PPP2CA: variants seen among roughly 807,000 people sequenced by gnomAD.
The protein encoded by PPP2CA is serine/threonine-protein phosphatase 2A catalytic subunit alpha isoform.
A neutral mutation model predicts 38.8 loss-of-function variants in PPP2CA; 5 were observed. The ratio of observed to expected loss-of-function variants is 0.13; its 90% CI spans 0.07 to 0.27. The LOEUF (loss-of-function observed/expected upper bound fraction) is 0.27, where lower values mean the gene tolerates loss of function less well. Ranked by LOEUF, PPP2CA falls within the 10% of genes least tolerant of loss-of-function variation. The pLI, the probability that PPP2CA is intolerant of heterozygous loss-of-function variation, is 1.00. For synonymous variants in PPP2CA, 152 were observed against 134.0 expected, an observed-to-expected ratio of 1.13 and a Z score of -0.93; for missense variants, 88 against 389.7, an observed-to-expected ratio of 0.23 and a Z score of 6.52.
At chr5:134,201,113 A>G in intron 3 of PPP2CA, 39 bp from the exon 4 acceptor site, 1 of 1,500,144 alleles carries the variant, frequency 6.7e-7, no homozygotes, top group South Asian at 1.1e-5. Flanking sequence ...TCACCTAAAA[A>G]ATTTGTAAAC....
At chr5:134,224,355 G>A (rs913104652) in intron 1 of PPP2CA, 2 of 449,628 alleles carry the variant, frequency 4.4e-6, no homozygotes, top group African/African-American at 4.0e-5. Context: ...TCCACTAGTA[G>A]TAGTTTTGTT....
At chr5:134,221,946 C>CA (rs1041488089) in intron 1 of PPP2CA, among the ~76,000 whole-genome samples, 23 of 112,674 alleles carry the variant, frequency 2.0e-4, no homozygotes, top group African/African-American at 7.7e-4. Context: ...CCAGACTGGG[C>CA]AAAAGAGTAA....
At chr5:134,208,982 C>T (rs1387075737) in intron 1 of PPP2CA, among the ~76,000 whole-genome samples, 6 of 152,022 alleles carry the variant, frequency 3.9e-5, no homozygotes, top group Non-Finnish European at 7.4e-5. Flanking sequence ...TATATATCCT[C>T]GTATTTTCTC....
chr5:134,210,986 G>A (rs11742356), intron 1 of PPP2CA, among the ~76,000 whole-genome samples: 1 of 152,172 alleles, frequency 6.6e-6, no homozygotes, highest in Non-Finnish European at 1.5e-5. Context: ...GATTCTCTTA[G>A]TAAGACCTTA....
In PPP2CA at chr5:134,205,927, G is replaced by A. The variant is rs929459974; in HGVS notation, c.307C>T (p.Leu103Phe). ...CAACATAAAATTGAAATTACCTTAA[G>A]AGCTACAAGCAGTGTAACTGTTTCA... The part of the protein sequence containing the change: ...SVETVTLLVA[L>F]KVRYRERITI... Residue 103 changes from leucine (L) to phenylalanine (F), a missense_variant, in exon 2 of 7, where the codon CTT (leucine) becomes TTT (phenylalanine). Leu to Phe is a conservative substitution (Grantham distance 22, BLOSUM62 0). This residue lies in a region of PPP2CA where 12 missense variants were observed against 20.6 expected (regional missense o/e 0.58). Coordinates refer to ENST00000481195, the MANE Select transcript of PPP2CA (RefSeq NM_002715.4). 4.3e-6 allele frequency: 7 copies of A among 1,612,580 alleles called. No homozygotes were observed. The South Asian group carries it at 7.7e-5, about 18-fold the overall frequency.
chr5:134,218,993 T>C (rs1243388738), intron 1 of PPP2CA, among the ~76,000 whole-genome samples: 1 of 152,144 alleles, frequency 6.6e-6, no homozygotes, highest in Admixed American at 6.6e-5. Flanking sequence ...TTAAGGTTGA[T>C]TCCATTACTA....
At chr5:134,217,813 T>C (rs1229445730) in intron 1 of PPP2CA, among the ~76,000 whole-genome samples, 1 of 152,228 alleles carries the variant, frequency 6.6e-6, no homozygotes, top group Non-Finnish European at 1.5e-5. Context: ...AGTTGTTGTG[T>C]GAACATCACA....
At position 134,226,051 on chromosome 5, in the gene PPP2CA, G is replaced by A. The variant is rs1023741604; in HGVS notation, c.-190C>T. The A allele has an allele frequency of 5.7e-6, 3 of 524,958 alleles. No individual in the cohort carries two copies. Among genetic ancestry groups the A allele is most frequent in the African/African-American group, 4.1e-5 (2 of 48,818 alleles). The allele number at this position is 524,958 out of a possible 1,614,324, so 32.5% of individuals were successfully genotyped here. A position where few individuals can be genotyped will look rare whatever the true frequency, so the allele number is the denominator to read the frequency against. ...CTGCGCCTCCTCCTCCGCTCGCTGA[G>A]GCTCCAGAGCTCGGCTCTCTGTAAT... On this transcript the variant is annotated 5_prime_UTR_variant, in exon 1 of 7. Coordinates refer to ENST00000481195, the MANE Select transcript of PPP2CA (RefSeq NM_002715.4).
chr5:134,200,306 C>A (rs1434437981), intron 5 of PPP2CA, 29 bp downstream of exon 5: 2 of 1,560,090 alleles, frequency 1.3e-6, no homozygotes, highest in Non-Finnish European at 1.7e-6. Flanking sequence ...ACTAAAAAAA[C>A]AAGTCATATT....
rs1561732351 is a variant in PPP2CA at position 134,197,525 on chromosome 5, T to C, written c.*247A>G. 9 of 501,206 alleles carry C rather than the reference T, an allele frequency of 1.8e-5. No homozygotes were observed. The highest frequency in any genetic ancestry group is 2.9e-5 in the Non-Finnish European group (8 of 277,490). The allele number at this position is 501,206 out of a possible 1,614,324, so 31.0% of individuals were successfully genotyped here. A position where few individuals can be genotyped will look rare whatever the true frequency, so the allele number is the denominator to read the frequency against. ...GCAAAAGTAACTACAAATAGCGCTA[T>C]GCCAGAAACTGGTTTCTTGACCAAC... On this transcript the variant is annotated 3_prime_UTR_variant, in exon 7 of 7. Transcript: ENST00000481195.
rs1432358102 is a variant in PPP2CA at position 134,225,876 on chromosome 5, C to T, written c.-15G>A. 1 of 1,602,048 alleles carries T rather than the reference C, an allele frequency of 6.2e-7. No homozygotes were observed. Among genetic ancestry groups the T allele is most frequent in the East Asian group, 2.2e-5 (1 of 44,520 alleles). ...TTCTCGTCCATGATGCCACCCGCCC[C>T]AGCCGGCTGCCGCTCCGCGCTGCTC... On this transcript the variant is annotated 5_prime_UTR_variant, in exon 1 of 7. Transcript: ENST00000481195.
chr5:134,199,296 C>CAAT, intron 5 of PPP2CA, 92 bp from the exon 6 acceptor site: 1 of 900,312 alleles, frequency 1.1e-6, no homozygotes, highest in Non-Finnish European at 1.8e-6. Flanking sequence ...TCTACTCATT[C>CAAT]CCACCCCTGC....
intron 5 of PPP2CA, 90 bp from the exon 6 acceptor site, chr5:134,199,294 T>C (rs1761922697): frequency 1.1e-6 from 1 of 926,108 alleles, no homozygotes; most frequent in Non-Finnish European, 1.7e-6. Context: ...TCTCTACTCA[T>C]TCCCACCCCT....
At chr5:134,216,738 G>A (rs962073696) in intron 1 of PPP2CA, among the ~76,000 whole-genome samples, 1 of 151,914 alleles carries the variant, frequency 6.6e-6, no homozygotes, top group Non-Finnish European at 1.5e-5. Context: ...TCCTAGTCTC[G>A]AGTGAGCTTC....
chr5:134,205,891 T>G (rs753751586), intron 2 of PPP2CA, 31 bp downstream of exon 2: 11 of 1,588,188 alleles, frequency 6.9e-6, no homozygotes, highest in Non-Finnish European at 9.5e-6. Context: ...CTTACCCATT[T>G]CAACATGCCC....
At chr5:134,210,302 T>C (rs994112078) in intron 1 of PPP2CA, among the ~76,000 whole-genome samples, 1 of 152,136 alleles carries the variant, frequency 6.6e-6, no homozygotes, top group Non-Finnish European at 1.5e-5. Flanking sequence ...AAGTAAATGG[T>C]AGAACCAGAC....
intron 1 of PPP2CA, among the ~76,000 whole-genome samples, chr5:134,211,623 C>T (rs1762204352): frequency 7.2e-6 from 1 of 139,836 alleles, no homozygotes; most frequent in Middle Eastern, 3.3e-3. Flanking sequence ...ATTACAGATG[C>T]AAACCACTCC....
intron 1 of PPP2CA, among the ~76,000 whole-genome samples, chr5:134,223,581 C>T (rs1012729288): frequency 2.0e-5 from 3 of 152,144 alleles, no homozygotes; most frequent in Admixed American, 6.5e-5. Context: ...CTAAAATTTG[C>T]GTAAGCAGCG....
intron 1 of PPP2CA, 64 bp downstream of exon 1, chr5:134,225,696 C>A: frequency 6.6e-7 from 1 of 1,505,126 alleles, no homozygotes; most frequent in Non-Finnish European, 9.1e-7. Context: ...ACCCTCCTCA[C>A]GGCCGCCTTT....
Sources: allele counts gnomAD v4.1 joint callset (sites outside exome capture counted in the v4.1 genomes callset), GRCh38; gene constraint gnomAD v4.1.1; regional missense constraint gnomAD v4.1.1; transcripts MANE v1.5; gene names NCBI Gene and HGNC (gene_info 2026-07-23, HGNC 2026-07-21).